ENTREP2: variants seen among roughly 807,000 people sequenced by gnomAD.
The protein encoded by ENTREP2 is endosomal transmembrane epsin interactor 2, also known as protein ENTREP2.
the ENTREP2 span, among the ~76,000 whole-genome samples, chr15:29,486,770 AAAGT>A: frequency 6.6e-6 from 1 of 152,206 alleles, no homozygotes; most frequent in Non-Finnish European, 1.5e-5. Flanking sequence ...TATGTTAAGC[AAAGT>A]AAGTCAGGCA....
At chr15:29,416,692 C>T in the ENTREP2 span, among the ~76,000 whole-genome samples, 442 of 152,116 alleles carry the variant, frequency 2.9e-3, 1 homozygote, top group Non-Finnish European at 4.7e-3. Flanking sequence ...AAAGAAACTA[C>T]CATCAGAGTG....
the ENTREP2 span, among the ~76,000 whole-genome samples, chr15:29,642,264 A>G: frequency 6.6e-6 from 1 of 152,056 alleles, no homozygotes; most frequent in African/African-American, 2.4e-5. Context: ...TAATCAAGAC[A>G]GCGTGGTATT....
At chr15:29,202,109 G>A in the ENTREP2 span, among the ~76,000 whole-genome samples, 1 of 152,116 alleles carries the variant, frequency 6.6e-6, no homozygotes, top group Non-Finnish European at 1.5e-5. Context: ...TGCTGGGTCT[G>A]TAGTTATATC....
At chr15:29,644,662 G>A in the ENTREP2 span, among the ~76,000 whole-genome samples, 1 of 151,936 alleles carries the variant, frequency 6.6e-6, no homozygotes, top group African/African-American at 2.4e-5. Context: ...AATTAGCCAG[G>A]CATGGCAGCA....
the ENTREP2 span, among the ~76,000 whole-genome samples, chr15:29,439,284 T>TACAA: frequency 0.016 from 1,581 of 97,112 alleles, 27 homozygotes; most frequent in African/African-American, 0.033. Context: ...AAATTGGAAT[T>TACAA]ACACACACAC....
chr15:29,222,879 G>GTT, the ENTREP2 span, among the ~76,000 whole-genome samples: 2 of 152,218 alleles, frequency 1.3e-5, no homozygotes, highest in Non-Finnish European at 2.9e-5. Context: ...GTTTTTATGA[G>GTT]TTTAAGTTTT....
chr15:29,650,228 TACTC>T, the ENTREP2 span, among the ~76,000 whole-genome samples: 2 of 151,944 alleles, frequency 1.3e-5, no homozygotes, highest in African/African-American at 4.8e-5. Flanking sequence ...AAGCCAATCA[TACTC>T]ACTAATATTA....
At chr15:29,293,534 G>A in the ENTREP2 span, among the ~76,000 whole-genome samples, 3 of 152,112 alleles carry the variant, frequency 2.0e-5, no homozygotes, top group Admixed American at 2.0e-4. Context: ...GGGATTACAG[G>A]CATGAGCCAC....
chr15:29,176,580 C>G, the ENTREP2 span, among the ~76,000 whole-genome samples: 1 of 152,180 alleles, frequency 6.6e-6, no homozygotes, highest in Non-Finnish European at 1.5e-5. Flanking sequence ...GCCAGAGAAG[C>G]CCCCAGGAAG....
At chr15:29,429,512 T>C in the ENTREP2 span, among the ~76,000 whole-genome samples, 1 of 152,208 alleles carries the variant, frequency 6.6e-6, no homozygotes, top group South Asian at 2.1e-4. Flanking sequence ...TAAGCCACCA[T>C]GGCCAGCCAA....
the ENTREP2 span, among the ~76,000 whole-genome samples, chr15:29,662,437 A>G: frequency 1.7e-4 from 26 of 152,282 alleles, no homozygotes; most frequent in South Asian, 6.2e-4. Flanking sequence ...AATATTTTTT[A>G]TAATAGGATA....
At chr15:29,177,948 C>T in the ENTREP2 span, among the ~76,000 whole-genome samples, 5 of 151,992 alleles carry the variant, frequency 3.3e-5, no homozygotes, top group African/African-American at 9.7e-5. Context: ...CAGGGACACC[C>T]GGGTGGTGAC....
chr15:29,565,393 C>CAA, the ENTREP2 span, among the ~76,000 whole-genome samples: 2 of 135,138 alleles, frequency 1.5e-5, no homozygotes, highest in African/African-American at 2.7e-5. Flanking sequence ...AATCTATCCT[C>CAA]AAAAAAAAAA....
the ENTREP2 span, among the ~76,000 whole-genome samples, chr15:29,235,435 C>T: frequency 2.0e-5 from 3 of 152,078 alleles, no homozygotes; most frequent in Admixed American, 2.0e-4. Context: ...TTCTTTGCTA[C>T]CTTAAAGAGA....
At chr15:29,516,420 T>C in the ENTREP2 span, among the ~76,000 whole-genome samples, 1 of 152,204 alleles carries the variant, frequency 6.6e-6, no homozygotes, top group Middle Eastern at 3.4e-3. Flanking sequence ...AAACACAAAG[T>C]TGACTTAAGG....
the ENTREP2 span, among the ~76,000 whole-genome samples, chr15:29,284,190 G>A: frequency 3.3e-5 from 5 of 152,336 alleles, no homozygotes. Flanking sequence ...TCCTTACAAA[G>A]CTGCTGAATT....
chr15:29,673,118 A>G, the ENTREP2 span, among the ~76,000 whole-genome samples: 1 of 152,126 alleles, frequency 6.6e-6, no homozygotes, highest in Non-Finnish European at 1.5e-5. Flanking sequence ...TGGTGCTGGT[A>G]GGAGTGTCTT....
At chr15:29,403,592 GGT>G in the ENTREP2 span, among the ~76,000 whole-genome samples, 1 of 152,152 alleles carries the variant, frequency 6.6e-6, no homozygotes, top group Non-Finnish European at 1.5e-5. Context: ...GAAGCTGTCT[GGT>G]AGACAAATTG....
chr15:29,432,257 C>T, the ENTREP2 span, among the ~76,000 whole-genome samples: 2 of 152,308 alleles, frequency 1.3e-5, no homozygotes, highest in East Asian at 3.9e-4. Context: ...CACCTACAGC[C>T]CTGGGCTTTG....
Sources: allele counts gnomAD v4.1 joint callset (sites outside exome capture counted in the v4.1 genomes callset), GRCh38; gene constraint gnomAD v4.1.1; transcripts MANE v1.5; gene names NCBI Gene and HGNC (gene_info 2026-07-23, HGNC 2026-07-21).